Variants in CLMN observed in about 807,000 individuals in gnomAD.
CLMN encodes the protein calmin, also known as calmin (calponin-like, transmembrane).
A neutral mutation model predicts 92.7 loss-of-function variants in CLMN; 57 were observed. The ratio of observed to expected loss-of-function variants is 0.61; its 90% CI spans 0.50 to 0.77. The LOEUF (loss-of-function observed/expected upper bound fraction) is 0.77, where lower values mean the gene tolerates loss of function less well. CLMN is among the 30% of genes least tolerant of loss of function. CLMN has a pLI of 0.00. For missense variants in CLMN, 1,158 were observed against 1,237.5 expected, an observed-to-expected ratio of 0.94 and a Z score of 0.96; for synonymous variants, 466 against 470.6, an observed-to-expected ratio of 0.99 and a Z score of 0.13.
rs375870177 is a variant in CLMN at position 95,242,258 on chromosome 14, T to C, written c.83-12125A>G. Among the ~76,000 whole-genome samples the C allele has an allele frequency of 4.8e-3, 488 of 101,306 alleles. 10 individuals carry two copies. The highest frequency in any genetic ancestry group is 0.017 in the African/African-American group (272 of 15,836). 66.5% of individuals were successfully genotyped at this position (101,306 alleles called of 152,430 possible). On this transcript the variant is annotated intron_variant, in intron 1 of 12. Transcript: ENST00000298912. ...TTTTCTTTTTTCTTTTTCTTTTTTT[T>C]TTTTTTTTTTTTTTTTTTGAGATGG...
chr14:95,216,184 G>A (rs1177773708), intron 4 of CLMN, among the ~76,000 whole-genome samples: 4 of 152,166 alleles, frequency 2.6e-5, no homozygotes, highest in South Asian at 2.1e-4. Context: ...CTCACATGGC[G>A]ACAGGCAAGA....
chr14:95,284,537 A>G (rs1900266239), intron 1 of CLMN, among the ~76,000 whole-genome samples: 1 of 152,200 alleles, frequency 6.6e-6, no homozygotes, highest in Non-Finnish European at 1.5e-5. Flanking sequence ...TACCCTGCAA[A>G]GCCACAGGTG....
chr14:95,292,873 G>A (rs1761561199), intron 1 of CLMN, among the ~76,000 whole-genome samples: 1 of 152,098 alleles, frequency 6.6e-6, no homozygotes, highest in African/African-American at 2.4e-5. Flanking sequence ...TGCTCCTCCA[G>A]GGACATGGCT....
At chr14:95,302,289 G>A (rs191292187) in intron 1 of CLMN, among the ~76,000 whole-genome samples, 117 of 152,060 alleles carry the variant, frequency 7.7e-4, no homozygotes, top group African/African-American at 2.8e-3. Context: ...AACAGAGTGA[G>A]ACTTTGTCTC....
chr14:95,284,489 T>A (rs1266226112), intron 1 of CLMN, among the ~76,000 whole-genome samples: 1 of 151,956 alleles, frequency 6.6e-6, no homozygotes, highest in African/African-American at 2.4e-5. Flanking sequence ...ACACAGACAC[T>A]CAACACCAGC....
chr14:95,274,970 C>T (rs1899868182), intron 1 of CLMN, among the ~76,000 whole-genome samples: 1 of 141,930 alleles, frequency 7.0e-6, no homozygotes, highest in African/African-American at 2.7e-5. Flanking sequence ...CAGGGCAACA[C>T]TCTGTCTCAA....
At chr14:95,215,449 C>G (rs570989026) in intron 5 of CLMN, among the ~76,000 whole-genome samples, 192 bp downstream of exon 5, 1 of 152,144 alleles carries the variant, frequency 6.6e-6, no homozygotes, top group Non-Finnish European at 1.5e-5. Context: ...GAACTTGCAC[C>G]GCTTTTAAAA....
At chr14:95,319,624 C>T in intron 1 of CLMN, 87 bp downstream of exon 1, 6 of 1,071,642 alleles carry the variant, frequency 5.6e-6, no homozygotes, top group East Asian at 3.1e-5. Context: ...CGAGCGGGGG[C>T]GGCGCGGGGG....
intron 1 of CLMN, among the ~76,000 whole-genome samples, chr14:95,241,035 G>A (rs551153281): frequency 2.0e-5 from 3 of 152,004 alleles, no homozygotes; most frequent in Non-Finnish European, 4.4e-5. Context: ...AGCTTGACAG[G>A]CCTAGCAAGA....
At chr14:95,319,624 C>G in intron 1 of CLMN, 87 bp downstream of exon 1, 1 of 1,071,650 alleles carries the variant, frequency 9.3e-7, no homozygotes, top group South Asian at 1.4e-5. Context: ...CGAGCGGGGG[C>G]GGCGCGGGGG....
intron 1 of CLMN, among the ~76,000 whole-genome samples, chr14:95,280,959 C>T (rs150695640): frequency 1.2e-4 from 18 of 152,294 alleles, no homozygotes; most frequent in African/African-American, 3.8e-4. Context: ...CAATTGTTAT[C>T]TTGTTTCAAT....
intron 1 of CLMN, among the ~76,000 whole-genome samples, chr14:95,284,981 G>C (rs570482794): frequency 1.1e-4 from 16 of 152,264 alleles, no homozygotes; most frequent in African/African-American, 3.6e-4. Flanking sequence ...TACTTGAATT[G>C]TATCTCCGAG....
chr14:95,239,535 A>G (rs114923494), intron 1 of CLMN, among the ~76,000 whole-genome samples: 134 of 152,310 alleles, frequency 8.8e-4, no homozygotes, highest in Middle Eastern at 3.4e-3. Context: ...GTTTTTGTGA[A>G]AGTGTTCCGG....
intron 7 of CLMN, among the ~76,000 whole-genome samples, chr14:95,210,057 ATT>A (rs5810717): frequency 6.8e-6 from 1 of 147,802 alleles, no homozygotes; most frequent in African/African-American, 2.5e-5. Context: ...AGCTAAGTAC[ATT>A]TTTTTTTTTT....
chr14:95,276,864 A>G (rs944352548), intron 1 of CLMN, among the ~76,000 whole-genome samples: 1 of 152,194 alleles, frequency 6.6e-6, no homozygotes, highest in Non-Finnish European at 1.5e-5. Flanking sequence ...ATGTTAATTC[A>G]GTTCCTCCAC....
intron 3 of CLMN, chr14:95,222,685 G>C (rs1897585257): frequency 2.2e-6 from 1 of 444,838 alleles, no homozygotes; most frequent in Non-Finnish European, 4.5e-6. Context: ...TGGGGACCGT[G>C]CTCATGGCGA....
rs535036102 is a variant in CLMN, at chr14:95,198,909, T to A, written c.2512-2215A>T. 2.6e-5 allele frequency: 4 copies of A among 152,224 alleles called. No individual in the cohort carries two copies. In the East Asian group the frequency reaches 7.7e-4, roughly 29 times the overall value. The allele number at this position is 152,224 out of a possible 1,614,324, so 9.4% of individuals were successfully genotyped here. ...ATTCATCATTTTATTTTATTTATTA[T>A]TTATTTATTTATTTATTTTGAGACT... is the stretch of plus-strand genomic sequence containing the variant. On this transcript the variant is annotated intron_variant, in intron 9 of 12. Coordinates refer to ENST00000298912, the MANE Select transcript of CLMN (RefSeq NM_024734.4).
intron 1 of CLMN, among the ~76,000 whole-genome samples, chr14:95,295,175 A>G (rs1900752401): frequency 6.6e-6 from 1 of 152,222 alleles, no homozygotes; most frequent in Admixed American, 6.5e-5. Context: ...ATGCAATTTT[A>G]GTCATGATTA....
chr14:95,231,751 C>G (rs1027759666), intron 1 of CLMN, among the ~76,000 whole-genome samples: 1 of 152,182 alleles, frequency 6.6e-6, no homozygotes, highest in African/African-American at 2.4e-5. Context: ...CCAGCCAGAA[C>G]CCTGGAAATG....
Sources: gnomAD v4.1 joint callset for allele counts (sites outside exome capture counted in the v4.1 genomes callset) on GRCh38, gnomAD v4.1.1 for gene constraint, MANE v1.5 for transcripts, NCBI Gene and HGNC (gene_info 2026-07-23, HGNC 2026-07-21) for gene names.